Variants in INTS1 observed in about 807,000 individuals in gnomAD.
INTS1 encodes integrator complex subunit 1.
INTS1 carries 137 observed loss-of-function variants against 241.6 expected under a neutral mutation model. The ratio of observed to expected loss-of-function variants is 0.57; its 90% CI spans 0.49 to 0.65. The LOEUF is 0.65. Ranked by LOEUF, INTS1 falls within the 30% of genes least tolerant of loss-of-function variation. The pLI is 0.00. For missense variants in INTS1, 3,073 were observed against 3,032.2 expected (o/e 1.01, Z -0.32); for synonymous variants, 1,692 against 1,337.8 (o/e 1.26, Z -5.78).
At chr7:1,495,110 T>C (rs1030544750) in intron 13 of INTS1, among the ~76,000 whole-genome samples, 1 of 86,748 alleles carries the variant, frequency 1.2e-5, no homozygotes, top group Admixed American at 1.0e-4. Flanking sequence ...GCTGCCGGGC[T>C]GGACAGCCCT....
At position 1,470,500 on chromosome 7, in the gene INTS1, C is replaced by A. The variant is rs534110255; in HGVS notation, c.*77G>T. The A allele has an allele frequency of 7.7e-6, 9 of 1,168,104 alleles. No homozygotes were observed. The highest frequency in any genetic ancestry group is 1.5e-5 in the African/African-American group (1 of 64,746). 72.4% of individuals were successfully genotyped at this position (1,168,104 alleles called of 1,614,324 possible). A position where few individuals can be genotyped will look rare whatever the true frequency, so the allele number is the denominator to read the frequency against. ...TCCTCGGACAGACCAGCAACGCCCA[C>A]GCTTCCTGGGCTTTGCCTCGAGGAT... On this transcript the variant is annotated 3_prime_UTR_variant, in exon 48 of 48. Coordinates refer to ENST00000404767, the MANE Select transcript of INTS1 (RefSeq NM_001080453.3).
Position 1,496,234 on chromosome 7 carries a change from G to A in INTS1, c.1633C>T (p.Leu545=). 6.2e-7 allele frequency: 1 copy of A among 1,613,816 alleles called. No homozygotes were observed. Among genetic ancestry groups the A allele is most frequent in the Non-Finnish European group, 8.5e-7 (1 of 1,179,824 alleles). The change falls in exon 12 of 48, where the codon CTG becomes TTG. Residue 545 remains leucine, a synonymous_variant. Transcript: ENST00000404767. ...ATGCCCAGCATCATGGACACGGCCAGGACGTCGGTGATGTGCACCACGAAG... is the reference window on the plus strand; with the variant it reads ...ATGCCCAGCATCATGGACACGGCCAAGACGTCGGTGATGTGCACCACGAAG... The part of the protein sequence containing the change: ...ERFVVHITDV[L]AVSMMLGITA...
Position 1,474,152 on chromosome 7 carries a change from C to CGGCGGGAGCACACACCAGCAGCA in INTS1, c.5822_5829+15dup, listed in dbSNP as rs761744435. 1.9e-6 allele frequency: 3 copies of CGGCGGGAGCACACACCAGCAGCA among 1,541,280 alleles called. No individual in the cohort carries two copies. Among genetic ancestry groups the CGGCGGGAGCACACACCAGCAGCA allele is most frequent in the Non-Finnish European group, 2.6e-6 (3 of 1,146,914 alleles). ...GAGTGGAAGGGAGCGCGAGGGCGGG[C>CGGCGGGAGCACACACCAGCAGCA]GGCGGGAGCACACACCAGCAGCAGG... is the stretch of plus-strand genomic sequence containing the variant. On this transcript the variant is annotated intron_variant, in intron 41 of 47. Coordinates refer to ENST00000404767, the MANE Select transcript of INTS1 (RefSeq NM_001080453.3).
At chr7:1,479,759 C>T (rs1193716192) in intron 30 of INTS1, 75 bp from the exon 31 acceptor site, 16 of 1,391,036 alleles carry the variant, frequency 1.2e-5, no homozygotes, top group Admixed American at 8.9e-5. Context: ...GCTAAGCGCC[C>T]GGTGCAGCTC....
At position 1,487,762 on chromosome 7, in the gene INTS1, G is replaced by T; in HGVS notation, c.2514C>A (p.Pro838=). The change falls in exon 19 of 48, where the codon CCC becomes CCA. Residue 838 remains proline, a splice_region_variant and synonymous_variant. Transcript: ENST00000404767. ...LLLSQLTSLD[P]QGPPRRPPPH... Reference sequence around the variant, plus strand: ...GCGGGGCTGTGTGGGCTGCGTACTGGGGGTCCAGGCTGGTGAGCTGCGACA... The same window carrying T: ...GCGGGGCTGTGTGGGCTGCGTACTGTGGGTCCAGGCTGGTGAGCTGCGACA... 6.2e-7 allele frequency: 1 copy of T among 1,607,882 alleles called. No homozygotes were observed.
chr7:1,472,143 C>T, intron 44 of INTS1, 130 bp downstream of exon 44: 1 of 699,490 alleles, frequency 1.4e-6, no homozygotes, highest in Non-Finnish European at 2.5e-6. Flanking sequence ...AGGAACAGCC[C>T]ACCCACCCAC....
chr7:1,485,239 G>C lies in INTS1; in HGVS notation c.3157-37C>G, dbSNP rs774105097. ...GGTGGTCTGAGCGGCAACAGGGCAG[G>C]GCTGCGGCCCTCTCATCTTTCCCTG... On this transcript the variant is annotated intron_variant, in intron 23 of 47. Transcript: ENST00000404767. 2.5e-6 allele frequency: 4 copies of C among 1,597,754 alleles called. No homozygotes were observed. In the Admixed American group the frequency reaches 6.7e-5, roughly 27 times the overall value.
Position 1,497,018 on chromosome 7 carries a change from T to C in INTS1, c.1602+120A>G. 9.7e-7 allele frequency: 1 copy of C among 1,035,606 alleles called. No individual in the cohort carries two copies. Among genetic ancestry groups the C allele is most frequent in the Non-Finnish European group, 1.4e-6 (1 of 730,200 alleles). The allele number at this position is 1,035,606 out of a possible 1,614,324, so 64.2% of individuals were successfully genotyped here. A position where few individuals can be genotyped will look rare whatever the true frequency, so the allele number is the denominator to read the frequency against. ...CCGCAAACAGCCTCACTCATCCCCG[T>C]ACCCACGCTCAGCCAGAGCATCCGA... On this transcript the variant is annotated intron_variant, in intron 11 of 47. Transcript: ENST00000404767. The surrounding 1 kb of genome is among the most constrained non-coding windows in gnomAD (Gnocchi z 5.3).
At position 1,476,390 on chromosome 7, in the gene INTS1, G is replaced by C. The variant is rs1781719893; in HGVS notation, c.5217C>G (p.Ile1739Met). Residue 1739 changes from isoleucine to methionine, a missense_variant, in exon 38 of 48, where the codon ATC becomes ATG. By Grantham distance (10) the Ile-to-Met change is conservative. Transcript: ENST00000404767. ...GPELISLVEL[I>M]LAEAETRSQD... ...GGCTCCGCGTCTCCGCCTCGGCCAGGATCAGCTCCACCAGGCTGATGAGCT... is the reference window on the plus strand; with the variant it reads ...GGCTCCGCGTCTCCGCCTCGGCCAGCATCAGCTCCACCAGGCTGATGAGCT... The C allele has an allele frequency of 6.3e-7, 1 of 1,577,676 alleles. No homozygotes were observed. Among genetic ancestry groups the C allele is most frequent in the Non-Finnish European group, 8.6e-7 (1 of 1,167,304 alleles).
chr7:1,498,885 G>C (rs371101388), intron 8 of INTS1, 33 bp from the exon 9 acceptor site: 9 of 1,567,406 alleles, frequency 5.7e-6, no homozygotes, highest in Non-Finnish European at 6.9e-6. Context: ...GTGGGCTCAC[G>C]GCCACCCCGG....
chr7:1,486,938 T>A lies in INTS1; in HGVS notation c.2810A>T (p.Lys937Met). ...EDDEGESKEQ[K>M]AKKRQRQQKQ... ...GGCCCTGACCTGCCGCTTCTTGGCC[T>A]TCTGCTCCTTGCTCTCGCCCTCGTC... is the stretch of plus-strand genomic sequence containing the variant. The change falls in exon 21 of 48, where the codon AAG becomes ATG. Residue 937 changes from lysine to methionine, a missense_variant. Transcript: ENST00000404767. 1 of 1,605,454 alleles carries A rather than the reference T, an allele frequency of 6.2e-7. No individual in the cohort carries two copies. Among genetic ancestry groups the A allele is most frequent in the South Asian group, 1.1e-5 (1 of 90,578 alleles).
intron 14 of INTS1, 60 bp downstream of exon 14, chr7:1,494,756 C>G: frequency 6.6e-7 from 1 of 1,516,066 alleles, no homozygotes; most frequent in Non-Finnish European, 8.9e-7. Context: ...GCAGCCGGCC[C>G]GGCACCCCGC....
At chr7:1,486,798 G>A in intron 21 of INTS1, 24 bp from the exon 22 acceptor site, 1 of 1,610,240 alleles carries the variant, frequency 6.2e-7, no homozygotes, top group Admixed American at 1.7e-5. Flanking sequence ...GGGGCTCTCA[G>A]GGGTGCAGGT....
rs937463730 is a variant in INTS1, at chr7:1,497,750, C to T, written c.1426-436G>A. Among the ~76,000 whole-genome samples the T allele has an allele frequency of 2.0e-5, 3 of 152,264 alleles. No homozygotes were observed. Among genetic ancestry groups the T allele is most frequent in the African/African-American group, 4.8e-5 (2 of 41,468 alleles). The stretch of plus-strand genomic sequence containing the variant: ...CGAAGACTGAACGCGGAGCTGAGAG[C>T]GGCTGTGCCTCCCTCGTGTTTCACA... On this transcript the variant is annotated intron_variant, in intron 10 of 47. Coordinates refer to ENST00000404767, the MANE Select transcript of INTS1 (RefSeq NM_001080453.3). The surrounding 1 kb of genome is among the most constrained non-coding windows in gnomAD (Gnocchi z 5.3).
In INTS1 at chr7:1,489,076, G is replaced by A. The variant is rs540746051; in HGVS notation, c.2318+268C>T. Among the ~76,000 whole-genome samples the A allele has an allele frequency of 4.6e-5, 7 of 152,326 alleles. No individual in the cohort carries two copies. In the East Asian group the frequency reaches 7.7e-4, roughly 17 times the overall value. On this transcript the variant is annotated intron_variant, in intron 18 of 47. Coordinates refer to ENST00000404767, the MANE Select transcript of INTS1 (RefSeq NM_001080453.3). ...CCCCACTCCTGTCGGCAGCATAAGC[G>A]CTGCCCAGAAGAGCTGGGGGTGCCT... is the stretch of plus-strand genomic sequence containing the variant.
At chr7:1,492,041 C>T (rs1245091617) in intron 16 of INTS1, among the ~76,000 whole-genome samples, 3 of 152,264 alleles carry the variant, frequency 2.0e-5, no homozygotes, top group South Asian at 2.1e-4. Flanking sequence ...CTGGCGGGGA[C>T]GCAAGCGGGA....
chr7:1,492,046 G>A (rs1782579498), intron 16 of INTS1, among the ~76,000 whole-genome samples: 1 of 152,238 alleles, frequency 6.6e-6, no homozygotes, highest in Non-Finnish European at 1.5e-5. Flanking sequence ...GGGGACGCAA[G>A]CGGGAACTCA....
At position 1,493,570 on chromosome 7, in the gene INTS1, C is replaced by T. The variant is rs1028543837; in HGVS notation, c.2068+184G>A. 6.7e-6 allele frequency among the ~76,000 whole-genome samples: 1 copy of T among 150,340 alleles called. No individual in the cohort carries two copies. Among genetic ancestry groups the T allele is most frequent in the Non-Finnish European group, 1.5e-5 (1 of 68,006 alleles). ...AGTGACTGCACCATTGCCAAATACA[C>T]GCACGCTTCTGAATTCCCAACGGCA... On this transcript the variant is annotated intron_variant, in intron 15 of 47. Coordinates refer to ENST00000404767, the MANE Select transcript of INTS1 (RefSeq NM_001080453.3). This position sits in a 1 kb window ranked among gnomAD's most constrained non-coding sequence, Gnocchi z 5.3.
At chr7:1,474,428 G>A in intron 40 of INTS1, 68 bp from the exon 41 acceptor site, 1 of 1,456,634 alleles carries the variant, frequency 6.9e-7, no homozygotes, top group Non-Finnish European at 9.1e-7. Flanking sequence ...CCCCAGGAAG[G>A]CCCCACTGCC....
Sources: gnomAD v4.1 joint callset for allele counts (sites outside exome capture counted in the v4.1 genomes callset) on GRCh38, gnomAD v4.1.1 for gene constraint, Gnocchi (gnomAD v3.1) non-coding constraint, MANE v1.5 for transcripts, NCBI Gene and HGNC (gene_info 2026-07-23, HGNC 2026-07-21) for gene names.